The following CHRM3 variants were observed in gnomAD, a reference collection of about 807,000 sequenced individuals.
The protein encoded by CHRM3 is cholinergic receptor muscarinic 3.
A neutral mutation model predicts 41.8 loss-of-function variants in CHRM3; 11 were observed. That is an observed-to-expected ratio of 0.26 (90% CI 0.17 to 0.44). The LOEUF is 0.44. Among genes scored for constraint, CHRM3 ranks in the 20% least tolerant of loss-of-function variants. The pLI, the probability that CHRM3 is intolerant of heterozygous loss-of-function variation, is 1.00. For missense variants in CHRM3, 571 were observed against 745.4 expected, an observed-to-expected ratio of 0.77 and a Z score of 2.72; for synonymous variants, 297 against 301.4, an observed-to-expected ratio of 0.99 and a Z score of 0.15.
intron 3 of CHRM3, among the ~76,000 whole-genome samples, chr1:239,622,763 T>G (rs993647652): frequency 2.0e-5 from 3 of 152,136 alleles, no homozygotes; most frequent in Admixed American, 6.5e-5. Flanking sequence ...CACAAAAGAT[T>G]TAGAATATTA....
chr1:239,772,332 G>T (rs1054782349), intron 5 of CHRM3, among the ~76,000 whole-genome samples: 1 of 152,008 alleles, frequency 6.6e-6, no homozygotes, highest in African/African-American at 2.4e-5. Context: ...TTGTATTTTC[G>T]TAGAGATGAG....
intron 5 of CHRM3, among the ~76,000 whole-genome samples, chr1:239,753,159 A>G (rs1230985539): frequency 1.3e-5 from 2 of 152,306 alleles, no homozygotes; most frequent in Non-Finnish European, 2.9e-5. Flanking sequence ...TATCAAAGAG[A>G]TAAGTACTTA....
chr1:239,465,658 G>A (rs748849360), intron 1 of CHRM3, among the ~76,000 whole-genome samples: 8 of 152,100 alleles, frequency 5.3e-5, no homozygotes, highest in South Asian at 2.1e-4. Flanking sequence ...CTCCACTTTC[G>A]TATCTTCGTG....
intron 1 of CHRM3, among the ~76,000 whole-genome samples, chr1:239,456,892 C>G (rs1055803376): frequency 2.0e-5 from 3 of 152,206 alleles, no homozygotes; most frequent in Non-Finnish European, 2.9e-5. Flanking sequence ...AGTATAAAAA[C>G]TAAACATACC....
chr1:239,547,023 T>C (rs1659363466), intron 3 of CHRM3, among the ~76,000 whole-genome samples: 1 of 152,162 alleles, frequency 6.6e-6, no homozygotes, highest in Non-Finnish European at 1.5e-5. Flanking sequence ...TCCACTAAAT[T>C]TAAACAAGTT....
intron 6 of CHRM3, among the ~76,000 whole-genome samples, chr1:239,894,256 A>C (rs1001435318): frequency 6.6e-6 from 1 of 152,354 alleles, no homozygotes; most frequent in South Asian, 2.1e-4. Context: ...ACAACCTAAT[A>C]GTAAAATAAA....
At chr1:239,457,324 CTAAGA>C (rs1665026041) in intron 1 of CHRM3, among the ~76,000 whole-genome samples, 1 of 152,036 alleles carries the variant, frequency 6.6e-6, no homozygotes, top group African/African-American at 2.4e-5. Flanking sequence ...GCTAAGCAAC[CTAAGA>C]TATTAGCAGT....
chr1:239,616,875 T>G (rs1667692893), intron 3 of CHRM3, among the ~76,000 whole-genome samples: 1 of 120,788 alleles, frequency 8.3e-6, no homozygotes, highest in Admixed American at 7.6e-5. Context: ...TAGTCATTGT[T>G]GTGCAATGCA....
intron 5 of CHRM3, among the ~76,000 whole-genome samples, chr1:239,809,943 G>A (rs777142960): frequency 3.9e-5 from 6 of 152,222 alleles, no homozygotes; most frequent in Non-Finnish European, 7.3e-5. Context: ...AAGGTAGCAG[G>A]TAGTGTCTGC....
chr1:239,809,975 T>C (rs1558142431), intron 5 of CHRM3, among the ~76,000 whole-genome samples: 3 of 152,212 alleles, frequency 2.0e-5, no homozygotes, highest in Non-Finnish European at 4.4e-5. Flanking sequence ...GGAGGTGTTA[T>C]AGCTATTGCA....
At position 239,440,120 on chromosome 1, in the gene CHRM3, C is replaced by T. The variant is rs146656487; in HGVS notation, c.-520-52589C>T. Among the ~76,000 whole-genome samples the T allele has an allele frequency of 4.5e-3, 675 of 151,316 alleles. 5 individuals carry two copies. Among genetic ancestry groups the T allele is most frequent in the African/African-American group, 0.016 (644 of 41,110 alleles). ...AGCTGAGGCAGGAGAGTCACTTGAA[C>T]CTGGGATTTGGAGGTTGCAGTGAGC... On this transcript the variant is annotated intron_variant, in intron 1 of 6. Coordinates refer to ENST00000676153, the MANE Select transcript of CHRM3 (RefSeq NM_001375978.1).
intron 5 of CHRM3, among the ~76,000 whole-genome samples, chr1:239,794,985 G>A (rs978382300): frequency 1.4e-4 from 22 of 152,128 alleles, no homozygotes; most frequent in Non-Finnish European, 8.8e-5. Flanking sequence ...TGATCCACAC[G>A]TGAGAATAGA....
chr1:239,677,267 C>A (rs1378798392), intron 4 of CHRM3, among the ~76,000 whole-genome samples: 1 of 152,190 alleles, frequency 6.6e-6, no homozygotes. Flanking sequence ...AATATTTTAA[C>A]CCAATACCTG....
At chr1:239,519,430 C>G (rs1352679529) in intron 2 of CHRM3, among the ~76,000 whole-genome samples, 1 of 152,106 alleles carries the variant, frequency 6.6e-6, no homozygotes, top group East Asian at 1.9e-4. Flanking sequence ...GATTAACTTG[C>G]AAAATTTGTT....
intron 2 of CHRM3, among the ~76,000 whole-genome samples, chr1:239,528,031 A>G (rs1215155013): frequency 6.6e-6 from 1 of 152,052 alleles, no homozygotes; most frequent in Non-Finnish European, 1.5e-5. Flanking sequence ...TTACTTAACA[A>G]CTCCATCTCT....
intron 2 of CHRM3, among the ~76,000 whole-genome samples, chr1:239,511,603 TA>T (rs1558278643): frequency 6.6e-6 from 1 of 152,312 alleles, no homozygotes; most frequent in East Asian, 1.9e-4. Flanking sequence ...ATTTAAAAAA[TA>T]AATTAGGCTC....
intron 3 of CHRM3, among the ~76,000 whole-genome samples, chr1:239,562,295 G>A (rs1660931926): frequency 6.6e-6 from 1 of 152,064 alleles, no homozygotes; most frequent in African/African-American, 2.4e-5. Context: ...TTCAAGTCAC[G>A]TGATCCCTCA....
intron 5 of CHRM3, among the ~76,000 whole-genome samples, chr1:239,746,753 C>CTTTA (rs1011095230): frequency 1.3e-5 from 2 of 151,738 alleles, no homozygotes; most frequent in African/African-American, 4.8e-5. Context: ...TACTCTATTT[C>CTTTA]TTTCTTTCTT....
chr1:239,484,409 A>G (rs1205789801), intron 1 of CHRM3, among the ~76,000 whole-genome samples: 2 of 152,204 alleles, frequency 1.3e-5, no homozygotes, highest in Non-Finnish European at 2.9e-5. Context: ...TACTGCCCTC[A>G]GGATAAGGTA....
Sources: gnomAD v4.1 joint callset for allele counts (sites outside exome capture counted in the v4.1 genomes callset) on GRCh38, gnomAD v4.1.1 for gene constraint, MANE v1.5 for transcripts, NCBI Gene and HGNC (gene_info 2026-07-23, HGNC 2026-07-21) for gene names.